TUSC3: variants seen among roughly 807,000 people sequenced by gnomAD.
TUSC3 encodes dolichyl-diphosphooligosaccharide--protein glycosyltransferase subunit TUSC3.
TUSC3 carries 45 observed loss-of-function variants against 44.8 expected under a neutral mutation model. That is an observed-to-expected ratio of 1.00 (90% confidence interval 0.79 to 1.29). The LOEUF is 1.29. Among genes scored for constraint, TUSC3 ranks in the 50% most tolerant of loss-of-function variants. The pLI, the probability that TUSC3 is intolerant of heterozygous loss-of-function variation, is 0.00. For missense variants in TUSC3, 519 were observed against 437.9 expected (o/e 1.19, Z -1.65); for synonymous variants, 212 against 152.9 (o/e 1.39, Z -2.85).
At chr8:15,696,622 C>T (rs1029122237) in intron 6 of TUSC3, among the ~76,000 whole-genome samples, 2 of 152,108 alleles carry the variant, frequency 1.3e-5, no homozygotes, top group Non-Finnish European at 2.9e-5. Context: ...TCCCTGCATC[C>T]CTGGTGTGAA....
intron 2 of TUSC3, among the ~76,000 whole-genome samples, chr8:15,531,957 A>G (rs1801456651): frequency 1.3e-5 from 2 of 152,206 alleles, no homozygotes; most frequent in South Asian, 4.1e-4. Context: ...AAAAGAAATT[A>G]TTTTATTTCA....
chr8:15,656,290 T>C (rs1037026584), intron 3 of TUSC3, among the ~76,000 whole-genome samples: 15 of 152,114 alleles, frequency 9.9e-5, no homozygotes, highest in Admixed American at 8.5e-4. Flanking sequence ...AAATCAGATA[T>C]AGATGAGACT....
intron 1 of TUSC3, among the ~76,000 whole-genome samples, chr8:15,576,209 G>A (rs1803098863): frequency 7.0e-6 from 1 of 143,188 alleles, no homozygotes; most frequent in Non-Finnish European, 1.5e-5. Flanking sequence ...TTGATGAACT[G>A]GTTTTCTTTT....
chr8:15,468,989 G>GAATT (rs3070870), intron 1 of TUSC3, among the ~76,000 whole-genome samples: 32,650 of 151,134 alleles, frequency 0.22, 3,635 homozygotes, highest in Admixed American at 0.29. Flanking sequence ...ACCCTGAAGA[G>GAATT]AATTAATGAA....
intron 6 of TUSC3, among the ~76,000 whole-genome samples, chr8:15,675,989 A>C (rs907550952): frequency 6.6e-6 from 1 of 152,088 alleles, no homozygotes; most frequent in Non-Finnish European, 1.5e-5. Context: ...TTCTATCTTA[A>C]GTTCTTTGAG....
chr8:15,770,049 A>C (rs1812413785), downstream of TUSC3, among the ~76,000 whole-genome samples: 1 of 152,192 alleles, frequency 6.6e-6, no homozygotes, highest in Non-Finnish European at 1.5e-5. Flanking sequence ...TTGACCCAGC[A>C]ATCCCATTAC....
At chr8:15,609,315 A>G (rs1804662589) in intron 1 of TUSC3, among the ~76,000 whole-genome samples, 1 of 152,172 alleles carries the variant, frequency 6.6e-6, no homozygotes, top group Non-Finnish European at 1.5e-5. Flanking sequence ...GATATAATGT[A>G]TTACTACAAT....
chr8:15,424,687 T>C (rs755839617), intron 1 of TUSC3, among the ~76,000 whole-genome samples: 3 of 152,070 alleles, frequency 2.0e-5, no homozygotes, highest in Non-Finnish European at 2.9e-5. Flanking sequence ...GAGACTATCC[T>C]GGCTAACACG....
chr8:15,551,725 G>A (rs890146247), intron 1 of TUSC3, among the ~76,000 whole-genome samples: 1 of 151,702 alleles, frequency 6.6e-6, no homozygotes, highest in Non-Finnish European at 1.5e-5. Context: ...CCGGTCTCTT[G>A]TGTTCAAGGT....
intron 2 of TUSC3, among the ~76,000 whole-genome samples, chr8:15,637,736 C>A (rs1300277330): frequency 6.6e-6 from 1 of 151,926 alleles, no homozygotes; most frequent in African/African-American, 2.4e-5. Context: ...TTTTGAGTGG[C>A]CTACTGATTT....
the TUSC3 span, among the ~76,000 whole-genome samples, chr8:15,793,168 T>C: frequency 6.6e-6 from 1 of 152,234 alleles, no homozygotes; most frequent in South Asian, 2.1e-4. Flanking sequence ...TACTCTGACA[T>C]ATGCTCTCCT....
intron 6 of TUSC3, among the ~76,000 whole-genome samples, chr8:15,688,236 A>C (rs1431515929): frequency 6.6e-6 from 1 of 152,176 alleles, no homozygotes; most frequent in East Asian, 1.9e-4. Context: ...TCAGGATTGA[A>C]AAAAGCGTTT....
chr8:15,519,646 C>G (rs558805824), intron 2 of TUSC3, among the ~76,000 whole-genome samples: 2 of 152,290 alleles, frequency 1.3e-5, no homozygotes, highest in East Asian at 3.9e-4. Context: ...TGAGGTGCAA[C>G]AGTTTCATCC....
At chr8:15,466,832 G>A (rs1367857418) in intron 1 of TUSC3, among the ~76,000 whole-genome samples, 1 of 152,056 alleles carries the variant, frequency 6.6e-6, no homozygotes, top group African/African-American at 2.4e-5. Context: ...GTGATGGAGA[G>A]TATGATTGTC....
intron 6 of TUSC3, among the ~76,000 whole-genome samples, chr8:15,728,768 A>G (rs2129207375): frequency 6.6e-6 from 1 of 152,296 alleles, no homozygotes; most frequent in Non-Finnish European, 1.5e-5. Flanking sequence ...GAGTAGAGAG[A>G]AGAGGCCTAA....
chr8:15,779,944 C>G, the TUSC3 span, among the ~76,000 whole-genome samples: 1 of 152,172 alleles, frequency 6.6e-6, no homozygotes, highest in Non-Finnish European at 1.5e-5. Flanking sequence ...AACGAGCGGT[C>G]TTTCTCACCA....
chr8:15,837,442 TTCTG>T, the TUSC3 span, among the ~76,000 whole-genome samples: 1 of 152,186 alleles, frequency 6.6e-6, no homozygotes, highest in African/African-American at 2.4e-5. Context: ...TCTGCCTTTC[TTCTG>T]TATCTATCAT....
chr8:15,489,835 A>G (rs1014486538), intron 2 of TUSC3, among the ~76,000 whole-genome samples: 2 of 152,184 alleles, frequency 1.3e-5, no homozygotes, highest in Admixed American at 6.5e-5. Flanking sequence ...TGGCCAACAG[A>G]TGGGGTCCAT....
At chr8:15,549,743 T>A (rs1455056321) in intron 1 of TUSC3, among the ~76,000 whole-genome samples, 1 of 151,502 alleles carries the variant, frequency 6.6e-6, no homozygotes, top group Non-Finnish European at 1.5e-5. Flanking sequence ...AGTGGAGTGG[T>A]TGTGCTGTTT....
Sources: allele counts gnomAD v4.1 joint callset (sites outside exome capture counted in the v4.1 genomes callset), GRCh38; gene constraint gnomAD v4.1.1; transcripts MANE v1.5; gene names NCBI Gene and HGNC (gene_info 2026-07-23, HGNC 2026-07-21).